The following ZDHHC21 variants were observed in gnomAD, a reference collection of about 807,000 sequenced individuals.
ZDHHC21 encodes zDHHC palmitoyltransferase 21.
ZDHHC21 carries 15 observed loss-of-function variants against 34.6 expected under a neutral mutation model. The observed-to-expected ratio is 0.43, with a 90% CI of 0.29 to 0.67. The LOEUF (loss-of-function observed/expected upper bound fraction) is 0.67. ZDHHC21 is among the 30% of genes least tolerant of loss of function. The pLI, the probability that ZDHHC21 is intolerant of heterozygous loss-of-function variation, is 0.14. For synonymous variants in ZDHHC21, 142 were observed against 101.8 expected, an observed-to-expected ratio of 1.40 and a Z score of -2.38; for missense variants, 344 against 327.7, an observed-to-expected ratio of 1.05 and a Z score of -0.38.
At position 14,616,634 on chromosome 9, in the gene ZDHHC21, T is replaced by C. The variant is rs1260137687; in HGVS notation, c.*2332A>G. 6.6e-6 allele frequency: 1 copy of C among 151,810 alleles called. No homozygotes were observed. The highest frequency in any genetic ancestry group is 2.1e-4 in the South Asian group (1 of 4,828). The allele number at this position is 151,810 out of a possible 1,614,324, so 9.4% of individuals were successfully genotyped here. ...CTGCCAGTTGGTTTTTCTCTAGTAG[T>C]CTAATAAGAATTAACAAAACCCACA... On this transcript the variant is annotated 3_prime_UTR_variant, in exon 10 of 10. Transcript: ENST00000380916.
chr9:14,676,773 C>T (rs1270749536), intron 3 of ZDHHC21, among the ~76,000 whole-genome samples: 1 of 151,288 alleles, frequency 6.6e-6, no homozygotes, highest in African/African-American at 2.4e-5. Flanking sequence ...AAATGGTAAG[C>T]TATCTACACA....
intron 8 of ZDHHC21, among the ~76,000 whole-genome samples, chr9:14,624,153 A>G (rs1825810606): frequency 6.6e-6 from 1 of 152,154 alleles, no homozygotes. Flanking sequence ...AACTATTTAC[A>G]TAGTATTTAC....
chr9:14,644,609 TTTTATC>T, intron 7 of ZDHHC21, among the ~76,000 whole-genome samples: 1 of 152,064 alleles, frequency 6.6e-6, no homozygotes. Flanking sequence ...GAATCCTGAA[TTTTATC>T]TTTGTCTTCA....
chr9:14,638,339 A>C (rs935427499), intron 8 of ZDHHC21, among the ~76,000 whole-genome samples: 1 of 152,080 alleles, frequency 6.6e-6, no homozygotes, highest in Admixed American at 6.6e-5. Flanking sequence ...ATCCATATGC[A>C]TAAGAATGAA....
chr9:14,590,900 A>G, the ZDHHC21 span, among the ~76,000 whole-genome samples: 1 of 152,188 alleles, frequency 6.6e-6, no homozygotes, highest in Admixed American at 6.5e-5. Flanking sequence ...CTGGCAAAAG[A>G]AAAGTAATAA....
In ZDHHC21 at chr9:14,669,422, A is replaced by T. The variant is rs1835059934; in HGVS notation, c.253+3408T>A. Among the ~76,000 whole-genome samples, 3 of 144,548 alleles carry T rather than the reference A, an allele frequency of 2.1e-5. No individual in the cohort carries two copies. The South Asian group carries it at 7.0e-4, about 34-fold the overall frequency. 94.8% of individuals were successfully genotyped at this position (144,548 alleles called of 152,430 possible). On this transcript the variant is annotated intron_variant, in intron 5 of 9. Transcript: ENST00000380916. ...TGTTGGTGGGACTGTAAACTAGTTC[A>T]ACCATTGTGGAAGTCAGTGTGGCGA...
chr9:14,627,345 CT>C (rs1362736282), intron 8 of ZDHHC21, among the ~76,000 whole-genome samples: 3 of 152,138 alleles, frequency 2.0e-5, no homozygotes, highest in Non-Finnish European at 4.4e-5. Flanking sequence ...TAAACATTAA[CT>C]TGCTGAGTTA....
chr9:14,628,731 T>A (rs1414208650), intron 8 of ZDHHC21, among the ~76,000 whole-genome samples: 1 of 152,192 alleles, frequency 6.6e-6, no homozygotes, highest in African/African-American at 2.4e-5. Context: ...TGCAGATGTA[T>A]AATTTCTTGT....
In ZDHHC21 at chr9:14,618,916, G is replaced by GT; in HGVS notation, c.*49dup. The GT allele has an allele frequency of 6.6e-7, 1 of 1,521,842 alleles. No individual in the cohort carries two copies. The allele number at this position is 1,521,842 out of a possible 1,614,324, so 94.3% of individuals were successfully genotyped here. A position where few individuals can be genotyped will look rare whatever the true frequency, so the allele number is the denominator to read the frequency against. The stretch of plus-strand genomic sequence containing the variant: ...TCATAGTTCTATTATCATAAAACCT[G>GT]TAACGCATTGCCAGCATGGAGGACC... On this transcript the variant is annotated 3_prime_UTR_variant, in exon 10 of 10. Coordinates refer to ENST00000380916, the MANE Select transcript of ZDHHC21 (RefSeq NM_178566.6).
At chr9:14,622,931 T>C (rs1486536354) in intron 8 of ZDHHC21, among the ~76,000 whole-genome samples, 1 of 152,086 alleles carries the variant, frequency 6.6e-6, no homozygotes, top group Non-Finnish European at 1.5e-5. Flanking sequence ...TAGGTCTTGT[T>C]GATGCTTCCA....
At chr9:14,590,484 T>C in the ZDHHC21 span, among the ~76,000 whole-genome samples, 2 of 151,620 alleles carry the variant, frequency 1.3e-5, no homozygotes, top group South Asian at 2.1e-4. Flanking sequence ...AAACCAGAGA[T>C]AATGGGACTA....
At position 14,613,742 on chromosome 9, in the gene ZDHHC21, ATTGT is replaced by A. The variant is rs1331261610; in HGVS notation, c.*5220_*5223del. 3.3e-5 allele frequency: 5 copies of A among 151,738 alleles called. No homozygotes were observed. Among genetic ancestry groups the A allele is most frequent in the African/African-American group, 4.8e-5 (2 of 41,402 alleles). The allele number at this position is 151,738 out of a possible 1,614,324, so 9.4% of individuals were successfully genotyped here. A position where few individuals can be genotyped will look rare whatever the true frequency, so the allele number is the denominator to read the frequency against. On this transcript the variant is annotated 3_prime_UTR_variant, in exon 10 of 10. Transcript: ENST00000380916. ...GTTAAAGTGAAAGCCACCCTTATAT[ATTGT>A]TTATTTTTCCTCTGGTGACAAAATT...
chr9:14,607,627 CG>C (rs953857111), downstream of ZDHHC21, among the ~76,000 whole-genome samples: 16 of 97,034 alleles, frequency 1.6e-4, no homozygotes. Context: ...GGGCTGGGGG[CG>C]GGGGGGAAGT....
At chr9:14,681,827 C>G (rs1942848675) in intron 2 of ZDHHC21, among the ~76,000 whole-genome samples, 1 of 151,908 alleles carries the variant, frequency 6.6e-6, no homozygotes. Flanking sequence ...GCCCATCAGA[C>G]TAACAGCAGA....
chr9:14,641,695 A>C (rs572106938), intron 7 of ZDHHC21, among the ~76,000 whole-genome samples: 18 of 152,110 alleles, frequency 1.2e-4, no homozygotes, highest in Non-Finnish European at 2.5e-4. Flanking sequence ...CCTCCCTTCC[A>C]TCACTTCACA....
the ZDHHC21 span, among the ~76,000 whole-genome samples, chr9:14,596,313 C>G: frequency 6.6e-6 from 1 of 152,224 alleles, no homozygotes; most frequent in East Asian, 1.9e-4. Context: ...CACAGCATCA[C>G]TCTTCAGTGG....
chr9:14,672,792 C>T (rs1166244889), intron 5 of ZDHHC21, 38 bp downstream of exon 5: 2 of 1,373,910 alleles, frequency 1.5e-6, no homozygotes, highest in Non-Finnish European at 2.0e-6. Flanking sequence ...GACAGTAATT[C>T]TGGCATCAGC....
Position 14,667,589 on chromosome 9 carries a change from C to CA in ZDHHC21, c.253+5240dup, listed in dbSNP as rs1335614584. On this transcript the variant is annotated intron_variant, in intron 5 of 9. Transcript: ENST00000380916. Reference sequence around the variant, plus strand: ...CCAATATCCTTGATGAACATTGATGCAAAAATCCTCAATAAAATACTGGCA... The same window carrying CA: ...CCAATATCCTTGATGAACATTGATGCAAAAAATCCTCAATAAAATACTGGCA... Among the ~76,000 whole-genome samples, 10 of 91,090 alleles carry CA rather than the reference C, an allele frequency of 1.1e-4. No homozygotes were observed. In the East Asian group the frequency reaches 2.5e-3, roughly 23 times the overall value. The allele number at this position is 91,090 out of a possible 152,430, so 59.8% of individuals were successfully genotyped here.
chr9:14,663,782 T>C (rs1225652408), intron 5 of ZDHHC21, among the ~76,000 whole-genome samples: 1 of 152,180 alleles, frequency 6.6e-6, no homozygotes, highest in Non-Finnish European at 1.5e-5. Context: ...GAAAATACTT[T>C]TTCATCTCTT....
Sources: allele counts gnomAD v4.1 joint callset (sites outside exome capture counted in the v4.1 genomes callset), GRCh38; gene constraint gnomAD v4.1.1; transcripts MANE v1.5; gene names NCBI Gene and HGNC (gene_info 2026-07-23, HGNC 2026-07-21).